Variants in TTN observed in about 807,000 individuals in gnomAD.
TTN encodes connectin.
A neutral mutation model predicts 3,223.0 loss-of-function variants in TTN; 1,525 were observed. The ratio of observed to expected loss-of-function variants is 0.47; its 90% CI spans 0.45 to 0.49. The LOEUF (loss-of-function observed/expected upper bound fraction) is 0.49. Among genes scored for constraint, TTN ranks in the 20% least tolerant of loss-of-function variants. TTN has a pLI of 0.00. For synonymous variants in TTN, 14,094 were observed against 15,161.0 expected (o/e 0.93, Z 5.17); for missense variants, 40,786 against 43,424.0 (o/e 0.94, Z 5.40).
chr2:178,782,463 T>C (rs1487773689), intron 19 of TTN, 36 bp from the exon 20 acceptor site: 21 of 1,613,722 alleles, frequency 1.3e-5, no homozygotes, highest in Non-Finnish European at 1.6e-5. Flanking sequence ...AGCTTCCGGG[T>C]TGCAATTTGC....
Position 178,651,540 on chromosome 2 carries a change from T to A in TTN, c.39464-4A>T, listed in dbSNP as rs960737707. The stretch of plus-strand genomic sequence containing the variant: ...ACCTCCTTGGGCACCTCGGGCACTA[T>A]AAAAGATATTAGTAGTTGTTTAAGC... On this transcript the variant is annotated splice_polypyrimidine_tract_variant and splice_region_variant and intron_variant, in intron 206 of 362. Transcript: ENST00000589042. 3 of 1,612,620 alleles carry A rather than the reference T, an allele frequency of 1.9e-6. No individual in the cohort carries two copies. Among genetic ancestry groups the A allele is most frequent in the East Asian group, 2.2e-5 (1 of 44,858 alleles).
rs767783195 is a variant in TTN at position 178,685,502 on chromosome 2, TAAAG to T, written c.32392+12_32392+15del. The T allele has an allele frequency of 2.5e-6, 4 of 1,605,490 alleles. No homozygotes were observed. In the East Asian group the frequency reaches 8.9e-5, roughly 36 times the overall value. Reference sequence around the variant, plus strand: ...AAGCTAACATAGGGATAAAACTAATTAAAGAGTCAGCATACCTTCAGCTGGCTCA... The same window carrying T: ...AAGCTAACATAGGGATAAAACTAATTAGTCAGCATACCTTCAGCTGGCTCA... On this transcript the variant is annotated intron_variant, in intron 128 of 362. Transcript: ENST00000589042.
chr2:178,745,866 C>G, intron 47 of TTN: 1 of 1,612,624 alleles, frequency 6.2e-7, no homozygotes, highest in Non-Finnish European at 8.5e-7. Context: ...CTGGGAGGCC[C>G]TTCCACCACC....
rs1158066155 is a variant in TTN, at chr2:178,675,773, A to G, written c.34454-19T>C. On this transcript the variant is annotated intron_variant, in intron 148 of 362. Transcript: ENST00000589042. The stretch of plus-strand genomic sequence containing the variant: ...ACAGACACTTTAAAAATATTATTTT[A>G]TTTTATAAGTTCAGTTTCACACACA... The G allele has an allele frequency of 7.4e-6, 11 of 1,488,516 alleles. No individual in the cohort carries two copies. In the African/African-American group the frequency reaches 8.5e-5, roughly 11 times the overall value. The allele number at this position is 1,488,516 out of a possible 1,614,324, so 92.2% of individuals were successfully genotyped here.
rs777331004 is a variant in TTN at position 178,646,000 on chromosome 2, G to T, written c.40328C>A (p.Pro13443Gln). 6.3e-7 allele frequency: 1 copy of T among 1,579,494 alleles called. No homozygotes were observed. The highest frequency in any genetic ancestry group is 1.2e-5 in the South Asian group (1 of 83,076). ...AGGTGGGGGTCTTGGTTTGAGTTTT[G>T]GCTTCTCAATAACCTTTTCAGGTTC... The part of the protein sequence containing the change: ...EPEPEKVIEK[P>Q]KLKPRPPPPP... Residue 13443 changes from proline to glutamine, a missense_variant, in exon 217 of 363, where the codon CCA (proline) becomes CAA (glutamine). By Grantham distance (76) the Pro-to-Gln change is moderately conservative (BLOSUM62 -1). Coordinates refer to ENST00000589042, the MANE Select transcript of TTN (RefSeq NM_001267550.2).
At position 178,731,588 on chromosome 2, in the gene TTN, C is replaced by T. The variant is rs1553924621; in HGVS notation, c.17183-5G>A. 3 of 1,586,850 alleles carry T rather than the reference C, an allele frequency of 1.9e-6. No individual in the cohort carries two copies. In the African/African-American group the frequency reaches 4.1e-5, roughly 21 times the overall value. Reference sequence around the variant, plus strand: ...TCTTTATGAAGGATGGGGGTTCTAACAGAAGAATGAATTCTCAATCAATAT... The same window carrying T: ...TCTTTATGAAGGATGGGGGTTCTAATAGAAGAATGAATTCTCAATCAATAT... On this transcript the variant is annotated splice_region_variant and splice_polypyrimidine_tract_variant and intron_variant, in intron 58 of 362. Coordinates refer to ENST00000589042, the MANE Select transcript of TTN (RefSeq NM_001267550.2).
In TTN at chr2:178,740,662, T is replaced by C. The variant is rs2082331837; in HGVS notation, c.12571A>G (p.Ile4191Val). 1.2e-6 allele frequency: 2 copies of C among 1,613,872 alleles called. No homozygotes were observed. The highest frequency in any genetic ancestry group is 1.7e-6 in the Non-Finnish European group (2 of 1,179,820). ...ACTGTTAATGAATTAATTTGTTCTA[T>C]GGACATGGCACTTGGGAAGATTTTC... ...TEKIFPSAMS[I>V]EQINSLTVEP... Residue 4191 changes from isoleucine to valine, a missense_variant, in exon 48 of 363, where the codon ATA becomes GTA. Ile to Val is a conservative substitution (Grantham distance 29). Transcript: ENST00000589042.
intron 47 of TTN, chr2:178,748,130 T>C: frequency 6.2e-7 from 1 of 1,613,248 alleles, no homozygotes; most frequent in South Asian, 1.1e-5. Flanking sequence ...TCTGCCTCCA[T>C]TTTCTAGAGG....
chr2:178,532,288 G>A lies in TTN; in HGVS notation c.104327C>T (p.Pro34776Leu). The A allele has an allele frequency of 6.2e-7, 1 of 1,613,922 alleles. No homozygotes were observed. The highest frequency in any genetic ancestry group is 1.3e-5 in the African/African-American group (1 of 75,042). ...TGAGAGATGCTGGGTGGTCGTAACTGGGCGAAGCAACTCTTCATCCTCCCT... is the reference window on the plus strand; with the variant it reads ...TGAGAGATGCTGGGTGGTCGTAACTAGGCGAAGCAACTCTTCATCCTCCCT... ...AEREDEELLR[P>L]VTTTQHLSEY... is the part of the protein sequence containing the mutation. Residue 34776 changes from proline (P) to leucine (L), a missense_variant, in exon 358 of 363, where the codon CCA becomes CTA. Transcript: ENST00000589042.
At chr2:178,801,928 A>T (rs973025933) in intron 3 of TTN, among the ~76,000 whole-genome samples, 7 of 152,176 alleles carry the variant, frequency 4.6e-5, no homozygotes, top group Non-Finnish European at 1.0e-4. Context: ...TGAGAAACTG[A>T]TTCTCAGTCA....
chr2:178,585,673 A>T (rs574048748), intron 308 of TTN, among the ~76,000 whole-genome samples: 1 of 151,954 alleles, frequency 6.6e-6, no homozygotes, highest in South Asian at 2.1e-4. Flanking sequence ...GCTCCCACTT[A>T]TGAGTGAGAA....
Position 178,544,195 on chromosome 2 carries a change from A to G in TTN, c.96028+6T>C, listed in dbSNP as rs746093113. ...TAATTCACCTAAAAGCTTCTGTGAT[A>G]AATACCTATTCTTTCCACGGGCTCA... On this transcript the variant is annotated splice_donor_region_variant and intron_variant, in intron 345 of 362. Transcript: ENST00000589042. The G allele has an allele frequency of 5.5e-5, 89 of 1,610,406 alleles. No homozygotes were observed. The highest frequency in any genetic ancestry group is 7.5e-5 in the Non-Finnish European group (88 of 1,177,024).
At position 178,591,230 on chromosome 2, in the gene TTN, ATGTACGGCTACTGTTT is replaced by A; in HGVS notation, c.60479_60494del (p.Lys20160IlefsTer25). Reference sequence around the variant, plus strand: ...GCCCAGGAACATCAAGAACAGTAAGATGTACGGCTACTGTTTTGCTACCGGCTGCATTGGAAACTGT... The same window carrying A: ...GCCCAGGAACATCAAGAACAGTAAGATGCTACCGGCTGCATTGGAAACTGT... On this transcript the variant is annotated frameshift_variant, in exon 304 of 363. Transcript: ENST00000589042. LOFTEE classifies it high-confidence loss of function. 6.2e-7 allele frequency: 1 copy of A among 1,613,432 alleles called. No individual in the cohort carries two copies. Among genetic ancestry groups the A allele is most frequent in the Non-Finnish European group, 8.5e-7 (1 of 1,179,578 alleles).
intron 224 of TTN, among the ~76,000 whole-genome samples, 182 bp downstream of exon 224, chr2:178,637,187 A>ATATATCTATATATCTATC (rs1553749552): frequency 7.2e-5 from 9 of 125,298 alleles, no homozygotes; most frequent in African/African-American, 2.7e-4. Flanking sequence ...ATATATATAT[A>ATATATCTATATATCTATC]TATCTCCTTG....
chr2:178,739,204 A>T lies in TTN; in HGVS notation c.14029T>A (p.Cys4677Ser). Residue 4677 changes from cysteine to serine, a missense_variant, in exon 48 of 363, where the codon TGT (cysteine) becomes AGT (serine). Cys to Ser is a moderately radical substitution (Grantham distance 112). Coordinates refer to ENST00000589042, the MANE Select transcript of TTN (RefSeq NM_001267550.2). ...TTTCCGCTGTCATTCAAGGCCTCAC[A>T]GACATACTCTCCTTGATGGTCTTCG... is the stretch of plus-strand genomic sequence containing the variant. ...NTEDHQGEYVCEALNDSGKTA... is the reference protein window; with the variant it reads ...NTEDHQGEYVSEALNDSGKTA... 1.3e-6 allele frequency: 2 copies of T among 1,549,014 alleles called. No homozygotes were observed. The highest frequency in any genetic ancestry group is 1.7e-6 in the Non-Finnish European group (2 of 1,145,834).
At chr2:178,697,843 G>A (rs1258567896) in intron 112 of TTN, among the ~76,000 whole-genome samples, 2 of 152,114 alleles carry the variant, frequency 1.3e-5, no homozygotes, top group Non-Finnish European at 2.9e-5. Context: ...CCTAAATCAG[G>A]AAAGATACTG....
At chr2:178,642,973 G>A (rs189222748) in intron 218 of TTN, among the ~76,000 whole-genome samples, 37 of 152,106 alleles carry the variant, frequency 2.4e-4, no homozygotes, top group Non-Finnish European at 3.1e-4. Flanking sequence ...ATTAAGGAAC[G>A]CAAGGAATTC....
In TTN at chr2:178,559,313, G is replaced by A; in HGVS notation, c.86819C>T (p.Thr28940Ile). ...PAETKEGVKI[T>I]EKPSPPEKLG... is the part of the protein sequence containing the mutation. ...ATTTCCTTATTCTTAAAACATACCT[G>A]TTATTTTTACTCCTTCCTTTGTTTC... Residue 28940 changes from threonine to isoleucine, a missense_variant and splice_region_variant, in exon 326 of 363, where the codon ACA becomes ATA. Coordinates refer to ENST00000589042, the MANE Select transcript of TTN (RefSeq NM_001267550.2). 1 of 1,585,276 alleles carries A rather than the reference G, an allele frequency of 6.3e-7. No individual in the cohort carries two copies. Among genetic ancestry groups the A allele is most frequent in the Non-Finnish European group, 8.6e-7 (1 of 1,165,454 alleles).
rs530568481 is a variant in TTN, at chr2:178,735,001, T to A, written c.14936-13A>T. Reference sequence around the variant, plus strand: ...AAGGATGGTGGCTCTACATGAAGTTTACAAAAAAGAAAAAGGAGAAGATAT... The same window carrying A: ...AAGGATGGTGGCTCTACATGAAGTTAACAAAAAAGAAAAAGGAGAAGATAT... On this transcript the variant is annotated splice_polypyrimidine_tract_variant and intron_variant, in intron 50 of 362. Coordinates refer to ENST00000589042, the MANE Select transcript of TTN (RefSeq NM_001267550.2). The A allele has an allele frequency of 3.9e-6, 6 of 1,519,346 alleles. No individual in the cohort carries two copies. The Admixed American group carries it at 9.6e-5, about 24-fold the overall frequency. The allele number at this position is 1,519,346 out of a possible 1,614,324, so 94.1% of individuals were successfully genotyped here. A position where few individuals can be genotyped will look rare whatever the true frequency, so the allele number is the denominator to read the frequency against.
Sources: gnomAD v4.1 joint callset for allele counts (sites outside exome capture counted in the v4.1 genomes callset) on GRCh38, gnomAD v4.1.1 for gene constraint, MANE v1.5 for transcripts, NCBI Gene and HGNC (gene_info 2026-07-23, HGNC 2026-07-21) for gene names.